EFCAB11: variants seen among roughly 807,000 people sequenced by gnomAD.
EFCAB11 encodes EF-hand calcium binding domain 11.
EFCAB11 carries 14 observed loss-of-function variants against 23.0 expected under a neutral mutation model. The observed-to-expected ratio is 0.61, with a 90% CI of 0.40 to 0.95. EFCAB11 has a LOEUF of 0.95. Among genes scored for constraint, EFCAB11 ranks in the 40% least tolerant of loss-of-function variants. The pLI is 0.00. For missense variants in EFCAB11, 198 were observed against 195.8 expected, an observed-to-expected ratio of 1.01 and a Z score of -0.07; for synonymous variants, 65 against 66.6, an observed-to-expected ratio of 0.98 and a Z score of 0.11.
intron 5 of EFCAB11, among the ~76,000 whole-genome samples, chr14:89,873,015 G>T (rs1274375516): frequency 6.6e-6 from 1 of 152,176 alleles, no homozygotes; most frequent in Non-Finnish European, 1.5e-5. Context: ...TGTTGTTTAA[G>T]CCACTGTATT....
intron 5 of EFCAB11, among the ~76,000 whole-genome samples, chr14:89,821,897 G>C (rs1184273823): frequency 6.6e-6 from 1 of 152,162 alleles, no homozygotes; most frequent in Non-Finnish European, 1.5e-5. Context: ...CCAAAAAGGA[G>C]AATAAATATC....
At chr14:89,894,563 C>G (rs964085264) in intron 5 of EFCAB11, among the ~76,000 whole-genome samples, 1 of 152,030 alleles carries the variant, frequency 6.6e-6, no homozygotes, top group Non-Finnish European at 1.5e-5. Context: ...AAGGATCTAA[C>G]CCCTACGGCT....
At chr14:89,854,423 A>G (rs1220989910) in intron 5 of EFCAB11, among the ~76,000 whole-genome samples, 1 of 152,090 alleles carries the variant, frequency 6.6e-6, no homozygotes, top group African/African-American at 2.4e-5. Context: ...TCAGGATACT[A>G]AGCTATAAAG....
At chr14:89,841,898 C>T (rs895315456) in intron 5 of EFCAB11, among the ~76,000 whole-genome samples, 1 of 152,110 alleles carries the variant, frequency 6.6e-6, no homozygotes, top group African/African-American at 2.4e-5. Context: ...AGTCCAGATG[C>T]TCTTTCTGAG....
chr14:89,819,753 T>C (rs897469826), intron 5 of EFCAB11, among the ~76,000 whole-genome samples: 9 of 152,312 alleles, frequency 5.9e-5, no homozygotes, highest in East Asian at 3.9e-4. Flanking sequence ...AAACTTTTAA[T>C]GGTGATGGCT....
chr14:89,920,531 G>A (rs1889990145), intron 5 of EFCAB11, among the ~76,000 whole-genome samples: 1 of 152,194 alleles, frequency 6.6e-6, no homozygotes, highest in Admixed American at 6.5e-5. Context: ...TGGTGACCTT[G>A]AGCAAGTCTT....
chr14:89,839,879 A>G (rs114640952), intron 5 of EFCAB11, among the ~76,000 whole-genome samples: 1,978 of 152,074 alleles, frequency 0.013, 40 homozygotes, highest in African/African-American at 0.046. Context: ...CCAAGGGGGG[A>G]TGGTGCTAAA....
chr14:89,859,214 T>A (rs1414199943), intron 5 of EFCAB11, among the ~76,000 whole-genome samples: 1 of 152,184 alleles, frequency 6.6e-6, no homozygotes, highest in African/African-American at 2.4e-5. Context: ...AAACTATAAC[T>A]TGGTATGGGT....
intron 5 of EFCAB11, among the ~76,000 whole-genome samples, chr14:89,829,297 T>C (rs1430290761): frequency 2.0e-5 from 3 of 152,200 alleles, no homozygotes; most frequent in African/African-American, 7.2e-5. Context: ...AAAAGAAATG[T>C]TGGTGGAACT....
At chr14:89,889,281 C>T (rs968751952) in intron 5 of EFCAB11, among the ~76,000 whole-genome samples, 1 of 152,162 alleles carries the variant, frequency 6.6e-6, no homozygotes, top group African/African-American at 2.4e-5. Flanking sequence ...TTCAAAAAAA[C>T]CCAAATAAAG....
chr14:89,912,107 A>T (rs750383000), intron 5 of EFCAB11, among the ~76,000 whole-genome samples: 2 of 152,258 alleles, frequency 1.3e-5, no homozygotes, highest in African/African-American at 4.8e-5. Flanking sequence ...CCACAAAAGA[A>T]GGCAGTGGCT....
intron 5 of EFCAB11, among the ~76,000 whole-genome samples, chr14:89,822,904 T>C (rs1452017124): frequency 6.6e-6 from 1 of 152,096 alleles, no homozygotes; most frequent in Non-Finnish European, 1.5e-5. Flanking sequence ...GATTTGCAAG[T>C]AAACTTAGAA....
At chr14:89,867,471 T>C (rs942444493) in intron 5 of EFCAB11, among the ~76,000 whole-genome samples, 2 of 152,092 alleles carry the variant, frequency 1.3e-5, no homozygotes, top group African/African-American at 4.8e-5. Flanking sequence ...TGATGAGAAG[T>C]AGGGTGGGCT....
Position 89,837,891 on chromosome 14 carries a change from G to A in EFCAB11, c.411-40567C>T, listed in dbSNP as rs554780227. ...ATCAGTTTCTTTTTTTTCAGTGAGGGTCAAGGCCCCAAATTACCTATGATT... is the reference window on the plus strand; with the variant it reads ...ATCAGTTTCTTTTTTTTCAGTGAGGATCAAGGCCCCAAATTACCTATGATT... On this transcript the variant is annotated intron_variant, in intron 5 of 5. Transcript: ENST00000316738. 5.0e-4 allele frequency among the ~76,000 whole-genome samples: 76 copies of A among 152,204 alleles called. 2 individuals carry two copies. Among genetic ancestry groups the A allele is most frequent in the Middle Eastern group, 3.4e-3 (1 of 294 alleles).
At chr14:89,945,457 C>T (rs1355555253) in intron 3 of EFCAB11, among the ~76,000 whole-genome samples, 4 of 152,036 alleles carry the variant, frequency 2.6e-5, no homozygotes, top group Non-Finnish European at 5.9e-5. Context: ...TAATTTTTCC[C>T]TTTTGATTTT....
chr14:89,903,868 C>T (rs1468822419), intron 5 of EFCAB11, among the ~76,000 whole-genome samples: 2 of 152,018 alleles, frequency 1.3e-5, no homozygotes, highest in East Asian at 1.9e-4. Context: ...AAAACTCAGG[C>T]GCTAATGTGG....
At chr14:89,825,803 C>T (rs1367636672) in intron 5 of EFCAB11, among the ~76,000 whole-genome samples, 2 of 151,980 alleles carry the variant, frequency 1.3e-5, no homozygotes, top group Non-Finnish European at 2.9e-5. Context: ...CAAGTATGGC[C>T]ATATGTCAAA....
chr14:89,864,526 C>T (rs962024591), intron 5 of EFCAB11, among the ~76,000 whole-genome samples: 36 of 152,002 alleles, frequency 2.4e-4, no homozygotes, highest in African/African-American at 8.7e-4. Context: ...CTGGGCTCAA[C>T]TGATCCTTCC....
At chr14:89,835,584 A>ATG (rs1566777555) in intron 5 of EFCAB11, among the ~76,000 whole-genome samples, 1 of 73,476 alleles carries the variant, frequency 1.4e-5, no homozygotes, top group East Asian at 4.6e-4. Flanking sequence ...GGGATGCTCA[A>ATG]CGTGTGTGTG....
Sources: allele counts gnomAD v4.1 joint callset (sites outside exome capture counted in the v4.1 genomes callset), GRCh38; gene constraint gnomAD v4.1.1; transcripts MANE v1.5; gene names NCBI Gene and HGNC (gene_info 2026-07-23, HGNC 2026-07-21).